Variants in PPP2R3C observed in about 807,000 individuals in gnomAD.
PPP2R3C encodes serine/threonine-protein phosphatase 2A regulatory subunit B'' subunit gamma.
In PPP2R3C, 47 loss-of-function variants were observed where a neutral mutation model predicts 63.7. The ratio of observed to expected loss-of-function variants is 0.74; its 90% CI spans 0.58 to 0.94. The LOEUF is 0.94. Ranked by LOEUF, PPP2R3C falls within the 40% of genes least tolerant of loss-of-function variation. PPP2R3C has a pLI of 0.00. For missense variants in PPP2R3C, 421 were observed against 518.4 expected (o/e 0.81, Z 1.82); for synonymous variants, 180 against 177.4 (o/e 1.01, Z -0.12).
At chr14:35,109,143 G>A (rs944766340) in intron 4 of PPP2R3C, among the ~76,000 whole-genome samples, 1 of 151,008 alleles carries the variant, frequency 6.6e-6, no homozygotes, top group South Asian at 2.1e-4. Flanking sequence ...TGCAACCTCC[G>A]CCTCCAGGGT....
At chr14:35,109,767 C>T in intron 4 of PPP2R3C, 52 bp downstream of exon 4, 1 of 1,385,768 alleles carries the variant, frequency 7.2e-7, no homozygotes, top group Non-Finnish European at 1.0e-6. Flanking sequence ...ATATTTGAGG[C>T]ATTTAAAATG....
At chr14:35,110,444 G>A in intron 3 of PPP2R3C, 81 bp downstream of exon 3, 1 of 908,344 alleles carries the variant, frequency 1.1e-6, no homozygotes, top group East Asian at 2.4e-5. Context: ...ACTCCATTAG[G>A]CACCAAGAAA....
At chr14:35,096,527 T>A in intron 9 of PPP2R3C, 31 bp downstream of exon 9, 16 of 1,582,546 alleles carry the variant, frequency 1.0e-5, no homozygotes, top group Non-Finnish European at 1.4e-5. Context: ...GAATGGATAA[T>A]TCAAATTTTA....
chr14:35,093,606 A>G (rs763928360), intron 10 of PPP2R3C, among the ~76,000 whole-genome samples: 2 of 152,068 alleles, frequency 1.3e-5, no homozygotes, highest in African/African-American at 2.4e-5. Flanking sequence ...TCTCATGACA[A>G]TATGACTATT....
At chr14:35,112,257 C>T (rs2046585655) in intron 2 of PPP2R3C, among the ~76,000 whole-genome samples, 1 of 152,086 alleles carries the variant, frequency 6.6e-6, no homozygotes, top group Admixed American at 6.6e-5. Context: ...GAACAATTTG[C>T]TTTATTTCTT....
intron 10 of PPP2R3C, among the ~76,000 whole-genome samples, chr14:35,094,666 A>G (rs998829062): frequency 1.3e-5 from 2 of 149,710 alleles, no homozygotes; most frequent in Non-Finnish European, 1.5e-5. Context: ...TTACACAGTG[A>G]TATCAATAAT....
intron 12 of PPP2R3C, chr14:35,086,682 GA>G (rs2138589767): frequency 6.6e-6 from 1 of 151,910 alleles, no homozygotes; most frequent in Non-Finnish European, 1.5e-5. Context: ...ATTTTCAGTA[GA>G]GACGGGGTTT....
At chr14:35,089,791 G>A (rs529348198) in intron 11 of PPP2R3C, among the ~76,000 whole-genome samples, 19 of 151,360 alleles carry the variant, frequency 1.3e-4, no homozygotes, top group Admixed American at 3.9e-4. Flanking sequence ...TCAGCCTCCC[G>A]AGTAGCTGGG....
At chr14:35,100,136 G>C (rs2046138920) in intron 6 of PPP2R3C, 1 of 147,772 alleles carries the variant, frequency 6.8e-6, no homozygotes, top group African/African-American at 2.4e-5. Context: ...GACTCTCAAA[G>C]AGCTTCCACT....
chr14:35,106,350 C>CT (rs1045518137), intron 6 of PPP2R3C: 27 of 121,686 alleles, frequency 2.2e-4, no homozygotes, highest in Admixed American at 1.2e-3. Flanking sequence ...TTCTCTCTCT[C>CT]TTTTTTTTTG....
chr14:35,107,971 T>G (rs2046415313), intron 5 of PPP2R3C, 168 bp downstream of exon 5: 1 of 1,062,126 alleles, frequency 9.4e-7, no homozygotes, highest in Non-Finnish European at 1.3e-6. Flanking sequence ...AAAATTTTTG[T>G]TTTTTTATGC....
At chr14:35,093,775 T>C (rs978029842) in intron 10 of PPP2R3C, among the ~76,000 whole-genome samples, 7 of 151,934 alleles carry the variant, frequency 4.6e-5, no homozygotes, top group African/African-American at 1.7e-4. Context: ...CCTCAGCCTC[T>C]GGAGTAGCTG....
chr14:35,108,726 C>T (rs554522612), intron 4 of PPP2R3C, among the ~76,000 whole-genome samples: 5 of 151,790 alleles, frequency 3.3e-5, no homozygotes, highest in Non-Finnish European at 5.9e-5. Context: ...GCTGAGATTG[C>T]GCCACTCCCC....
intron 12 of PPP2R3C, 147 bp downstream of exon 12, chr14:35,087,804 C>G: frequency 1.6e-6 from 1 of 640,858 alleles, no homozygotes; most frequent in Admixed American, 2.8e-5. Context: ...GGTCTCAGTT[C>G]GTAATGATTT....
At position 35,109,870 on chromosome 14, in the gene PPP2R3C, A is replaced by G. The variant is rs769476563; in HGVS notation, c.353T>C (p.Ile118Thr). Residue 118 changes from isoleucine (I) to threonine (T), a missense_variant, in exon 4 of 13, where the codon ATC becomes ACC. Physicochemically the swap from Ile to Thr is moderately conservative, Grantham distance 89 (BLOSUM62 -1). Coordinates refer to ENST00000261475, the MANE Select transcript of PPP2R3C (RefSeq NM_017917.4). ...AACCTTCAAAAAGTTTTCGTAATTGATCATCGCTTCCTCTCCAATCATAGG... is the reference window on the plus strand; with the variant it reads ...AACCTTCAAAAAGTTTTCGTAATTGGTCATCGCTTCCTCTCCAATCATAGG... Reference protein sequence around the residue: ...TPPMIGEEAMINYENFLKVGE... With the variant: ...TPPMIGEEAMTNYENFLKVGE... 1 of 1,612,232 alleles carries G rather than the reference A, an allele frequency of 6.2e-7. No homozygotes were observed. Among genetic ancestry groups the G allele is most frequent in the Non-Finnish European group, 8.5e-7 (1 of 1,178,460 alleles).
intron 2 of PPP2R3C, chr14:35,113,203 G>C (rs1412970388): frequency 6.5e-6 from 1 of 153,068 alleles, no homozygotes; most frequent in Non-Finnish European, 1.5e-5. Flanking sequence ...GGGGGTGACT[G>C]ACATTGTGTT....
intron 10 of PPP2R3C, among the ~76,000 whole-genome samples, chr14:35,094,445 AAC>A (rs2045928972): frequency 6.6e-6 from 1 of 151,852 alleles, no homozygotes; most frequent in Non-Finnish European, 1.5e-5. Context: ...CTGGGATTAT[AAC>A]CATAAGCTAC....
chr14:35,107,238 G>A, intron 6 of PPP2R3C, 66 bp downstream of exon 6: 1 of 1,227,682 alleles, frequency 8.1e-7, no homozygotes, highest in East Asian at 2.3e-5. Flanking sequence ...AACACCCAGT[G>A]ATAACTACAG....
intron 4 of PPP2R3C, among the ~76,000 whole-genome samples, chr14:35,109,159 C>T (rs8020902): frequency 6.6e-6 from 1 of 151,822 alleles, no homozygotes; most frequent in African/African-American, 2.4e-5. Context: ...AGGGTTCAAG[C>T]GATTCTCCTG....
Sources: allele counts gnomAD v4.1 joint callset (sites outside exome capture counted in the v4.1 genomes callset), GRCh38; gene constraint gnomAD v4.1.1; transcripts MANE v1.5; gene names NCBI Gene and HGNC (gene_info 2026-07-23, HGNC 2026-07-21).